Variants in NTAQ1 observed in about 807,000 individuals in gnomAD.
NTAQ1 encodes the protein N-terminal glutamine amidase 1.
A neutral mutation model predicts 28.2 loss-of-function variants in NTAQ1; 21 were observed. That is an observed-to-expected ratio of 0.74 (90% CI 0.53 to 1.07). The LOEUF is 1.07. Ranked by LOEUF, NTAQ1 falls within the 50% of genes least tolerant of loss-of-function variation. The probability of loss-of-function intolerance (pLI) is 0.00; values close to 1 mark genes in which losing one functional copy is unlikely to be tolerated. For missense variants in NTAQ1, 264 were observed against 256.6 expected (o/e 1.03, Z -0.20); for synonymous variants, 105 against 90.0 (o/e 1.17, Z -0.94).
chr8:123,447,926 C>T (rs1319445462), intron 6 of NTAQ1: 1 of 152,230 alleles, frequency 6.6e-6, no homozygotes, highest in African/African-American at 2.4e-5. Context: ...TCCCATTCTC[C>T]TTTGCAGCCA....
intron 6 of NTAQ1, among the ~76,000 whole-genome samples, chr8:123,458,626 C>CT (rs1351087669): frequency 6.8e-4 from 98 of 143,100 alleles, no homozygotes; most frequent in Middle Eastern, 3.6e-3. Flanking sequence ...TACTTTCTTT[C>CT]TTTTTTTTTT....
chr8:123,455,323 A>T (rs780416528), intron 6 of NTAQ1, among the ~76,000 whole-genome samples: 4 of 151,888 alleles, frequency 2.6e-5, no homozygotes, highest in Non-Finnish European at 4.4e-5. Context: ...TGCACAGAGG[A>T]GTCAGTCCAC....
At chr8:123,470,399 C>T (rs1050155883), downstream of NTAQ1, among the ~76,000 whole-genome samples, 3 of 152,150 alleles carry the variant, frequency 2.0e-5, no homozygotes, top group African/African-American at 7.2e-5. Flanking sequence ...ATGAGATGGA[C>T]GCATTTTATA....
downstream of NTAQ1, among the ~76,000 whole-genome samples, chr8:123,443,871 C>T (rs974408495): frequency 5.9e-5 from 9 of 152,158 alleles, no homozygotes; most frequent in Admixed American, 2.6e-4. Context: ...CTGCGCCTGG[C>T]CTGCGGTTCC....
chr8:123,416,776 T>C lies in NTAQ1; in HGVS notation c.-74T>C. 7.2e-7 allele frequency: 1 copy of C among 1,396,842 alleles called. No homozygotes were observed. Among genetic ancestry groups the C allele is most frequent in the Non-Finnish European group, 9.4e-7 (1 of 1,061,878 alleles). The allele number at this position is 1,396,842 out of a possible 1,614,324, so 86.5% of individuals were successfully genotyped here. ...CACGCCGGGAACCCACGCGGGCCAC[T>C]ACAAGCCCGCCCTTTCCTACGTCTG... On this transcript the variant is annotated 5_prime_UTR_variant, in exon 1 of 6. Coordinates refer to ENST00000287387, the MANE Select transcript of NTAQ1 (RefSeq NM_018024.3).
chr8:123,445,080 T>C (rs1267524942), downstream of NTAQ1, among the ~76,000 whole-genome samples: 1 of 152,202 alleles, frequency 6.6e-6, no homozygotes, highest in Admixed American at 6.5e-5. Context: ...GATGGTACCA[T>C]GTACATTGTA....
chr8:123,438,081 G>A (rs954917015), intron 5 of NTAQ1: 15 of 678,918 alleles, frequency 2.2e-5, no homozygotes, highest in Non-Finnish European at 3.8e-5. Flanking sequence ...ATTAGAGGGA[G>A]GTGAGCGCTA....
intron 4 of NTAQ1, 58 bp from the exon 5 acceptor site, chr8:123,437,152 A>G: frequency 1.3e-6 from 2 of 1,597,160 alleles, no homozygotes; most frequent in Non-Finnish European, 1.7e-6. Context: ...ATAAAAATGG[A>G]GTTAGAATTT....
chr8:123,424,072 G>GTTTTTTTTTTTTTTTTT (rs35733686), intron 1 of NTAQ1, among the ~76,000 whole-genome samples: 2 of 85,864 alleles, frequency 2.3e-5, no homozygotes, highest in Non-Finnish European at 4.1e-5. Context: ...ATTTTTATGC[G>GTTTTTTTTTTTTTTTTT]TTTTTTTTTT....
intron 1 of NTAQ1, 92 bp downstream of exon 1, chr8:123,417,024 GGC>G: frequency 7.9e-7 from 1 of 1,269,094 alleles, no homozygotes. Flanking sequence ...CCTCCTCGGG[GGC>G]GCTCCCGGCC....
intron 1 of NTAQ1, among the ~76,000 whole-genome samples, chr8:123,423,435 T>TTTTC (rs150407805): frequency 1.6e-5 from 2 of 127,998 alleles, no homozygotes; most frequent in African/African-American, 5.4e-5. Context: ...CTGTTTCTCT[T>TTTTC]TTTCTTTCTT....
At chr8:123,452,256 G>T (rs368011470), downstream of NTAQ1, among the ~76,000 whole-genome samples, 1 of 152,288 alleles carries the variant, frequency 6.6e-6, no homozygotes, top group East Asian at 1.9e-4. Context: ...TGTGGCTTTG[G>T]CCCTGAGCTT....
chr8:123,437,320 G>A lies in NTAQ1; in HGVS notation c.494G>A (p.Cys165Tyr), dbSNP rs1442817942. 1.9e-5 allele frequency: 31 copies of A among 1,613,990 alleles called. No homozygotes were observed. The highest frequency in any genetic ancestry group is 2.6e-5 in the Non-Finnish European group (31 of 1,179,962). Residue 165 changes from cysteine to tyrosine, a missense_variant, in exon 5 of 6, where the codon TGC (cysteine) becomes TAC (tyrosine). Transcript: ENST00000287387. Reference sequence around the variant, plus strand: ...AGAGAGCCTCCGCCGCCATATCCCTGCATTGAGACTGGAGGTGAGCCAAGA... The same window carrying A: ...AGAGAGCCTCCGCCGCCATATCCCTACATTGAGACTGGAGGTGAGCCAAGA... The part of the protein sequence containing the change: ...NWREPPPPYP[C>Y]IETGDSKMNL...
In NTAQ1 at chr8:123,427,891, T is replaced by G. The variant is rs372976446; in HGVS notation, c.84-33T>G. The G allele has an allele frequency of 3.9e-6, 6 of 1,524,212 alleles. 1 individual carries two copies. The African/African-American group carries it at 4.2e-5, about 11-fold the overall frequency. The allele number at this position is 1,524,212 out of a possible 1,614,324, so 94.4% of individuals were successfully genotyped here. On this transcript the variant is annotated intron_variant, in intron 1 of 5. Coordinates refer to ENST00000287387, the MANE Select transcript of NTAQ1 (RefSeq NM_018024.3). ...AATTTAAAAGACACATAGAATGTTC[T>G]CTAATCTTGATTAAACAATTATTTT...
intron 6 of NTAQ1, among the ~76,000 whole-genome samples, chr8:123,462,002 T>C (rs1420795810): frequency 1.3e-5 from 2 of 152,164 alleles, no homozygotes; most frequent in Non-Finnish European, 2.9e-5. Context: ...GGAAATCTAG[T>C]GAAAAAATAT....
intron 3 of NTAQ1, among the ~76,000 whole-genome samples, chr8:123,431,629 C>T (rs1439280539): frequency 6.6e-6 from 1 of 152,208 alleles, no homozygotes; most frequent in Non-Finnish European, 1.5e-5. Context: ...GCCCAAGCCC[C>T]TCAGCTCTAG....
downstream of NTAQ1, among the ~76,000 whole-genome samples, chr8:123,470,999 C>A (rs1156328040): frequency 6.6e-6 from 1 of 151,758 alleles, no homozygotes; most frequent in Non-Finnish European, 1.5e-5. Context: ...TAGCTCACTG[C>A]AACCTTGACT....
chr8:123,425,856 T>C (rs1814020685), intron 1 of NTAQ1, among the ~76,000 whole-genome samples: 1 of 152,118 alleles, frequency 6.6e-6, no homozygotes, highest in Admixed American at 6.6e-5. Flanking sequence ...AAACCCCATC[T>C]CTACTACAAA....
At chr8:123,449,638 T>A (rs146362576), downstream of NTAQ1, among the ~76,000 whole-genome samples, 1,363 of 152,018 alleles carry the variant, frequency 9.0e-3, 7 homozygotes, top group Non-Finnish European at 0.015. Context: ...GATTGGTTGC[T>A]ATTTACTGAG....
Sources: allele counts gnomAD v4.1 joint callset (sites outside exome capture counted in the v4.1 genomes callset), GRCh38; gene constraint gnomAD v4.1.1; transcripts MANE v1.5; gene names NCBI Gene and HGNC (gene_info 2026-07-23, HGNC 2026-07-21).